Variants in DUSP14 observed in about 807,000 individuals in gnomAD.
DUSP14 encodes dual specificity protein phosphatase 14.
DUSP14 carries 5 observed loss-of-function variants against 13.2 expected under a neutral mutation model. The ratio of observed to expected loss-of-function variants is 0.38; its 90% CI spans 0.20 to 0.80. The LOEUF (loss-of-function observed/expected upper bound fraction) is 0.80, where lower values mean the gene tolerates loss of function less well. DUSP14 is among the 30% of genes least tolerant of loss of function. The probability of loss-of-function intolerance (pLI) is 0.44; values close to 1 mark genes in which losing one functional copy is unlikely to be tolerated. For missense variants in DUSP14, 185 were observed against 264.0 expected, an observed-to-expected ratio of 0.70 and a Z score of 2.07; for synonymous variants, 91 against 103.4, an observed-to-expected ratio of 0.88 and a Z score of 0.73.
chr17:37,510,282 C>T (rs1217284033), intron 1 of DUSP14: 1 of 152,358 alleles, frequency 6.6e-6, no homozygotes, highest in African/African-American at 2.4e-5. Context: ...GCGGTGCCGC[C>T]CAGGCCTTCC....
At chr17:37,498,673 TCA>T (rs1363968617) in intron 1 of DUSP14, among the ~76,000 whole-genome samples, 1 of 90,028 alleles carries the variant, frequency 1.1e-5, no homozygotes, top group Non-Finnish European at 2.1e-5. Flanking sequence ...ATGAAAGTAA[TCA>T]GTTTTTTTTT....
At chr17:37,501,805 C>T (rs775870956) in intron 1 of DUSP14, among the ~76,000 whole-genome samples, 14 of 152,154 alleles carry the variant, frequency 9.2e-5, no homozygotes, top group Non-Finnish European at 2.1e-4. Context: ...GCATGAGCCA[C>T]CGTGCCTGGC....
Position 37,512,706 on chromosome 17 carries a change from G to A in DUSP14, c.434G>A (p.Arg145Gln), listed in dbSNP as rs2054198643. Residue 145 changes from arginine (R) to glutamine (Q), a missense_variant, in exon 3 of 3, where the codon CGA becomes CAA. By Grantham distance (43) the Arg-to-Gln change is conservative. Coordinates refer to ENST00000617516, the MANE Select transcript of DUSP14 (RefSeq NM_007026.4). The surrounding 1 kb of genome is among the most constrained non-coding windows in gnomAD (Gnocchi z 4.8). ...GCGTACAACTGGGTGAAAGCCCGGC[G>A]ACCTGTCATCAGGCCCAACGTAGGC... ...LEAYNWVKARRPVIRPNVGFW... is the reference protein window; with the variant it reads ...LEAYNWVKARQPVIRPNVGFW... 1.2e-6 allele frequency: 2 copies of A among 1,614,066 alleles called. No individual in the cohort carries two copies. The highest frequency in any genetic ancestry group is 2.2e-5 in the East Asian group (1 of 44,870).
intron 2 of DUSP14, among the ~76,000 whole-genome samples, chr17:37,511,840 T>C (rs1025010435): frequency 6.6e-6 from 1 of 150,664 alleles, no homozygotes; most frequent in African/African-American, 2.4e-5. Flanking sequence ...CTTCTGGTCT[T>C]GAACTCCTGG....
At chr17:37,497,745 A>G (rs2054075267) in intron 1 of DUSP14, among the ~76,000 whole-genome samples, 1 of 149,848 alleles carries the variant, frequency 6.7e-6, no homozygotes, top group Non-Finnish European at 1.5e-5. Flanking sequence ...TCTTGCTCAA[A>G]AAAAAAAAAA....
At chr17:37,489,417 C>T (rs944391790), upstream of DUSP14, among the ~76,000 whole-genome samples, 12 of 152,172 alleles carry the variant, frequency 7.9e-5, no homozygotes, top group African/African-American at 2.4e-4. Flanking sequence ...TGGGTCCCAA[C>T]CCCCGGGCTC....
chr17:37,512,335 G>C lies in DUSP14; in HGVS notation c.63G>C (p.Glu21Asp). 6.2e-7 allele frequency: 1 copy of C among 1,614,018 alleles called. No homozygotes were observed. The highest frequency in any genetic ancestry group is 2.2e-5 in the East Asian group (1 of 44,858). ...TCATGGCCCCTCGGATGATTTCCGAGGGAGACATAGGAGGCATTGCTCAAA... is the reference window on the plus strand; with the variant it reads ...TCATGGCCCCTCGGATGATTTCCGACGGAGACATAGGAGGCATTGCTCAAA... The part of the protein sequence containing the change: ...RTLMAPRMIS[E>D]GDIGGIAQIT... The change falls in exon 3 of 3, where the codon GAG (glutamate) becomes GAC (aspartate). Residue 21 changes from glutamate to aspartate, a missense_variant. Transcript: ENST00000617516. This position sits in a 1 kb window ranked among gnomAD's most constrained non-coding sequence, Gnocchi z 4.8.
intron 1 of DUSP14, among the ~76,000 whole-genome samples, chr17:37,493,385 A>G (rs757924964): frequency 5.9e-5 from 9 of 152,184 alleles, no homozygotes; most frequent in Non-Finnish European, 1.2e-4. Context: ...GCATACCTTC[A>G]GCTTTACTAG....
At chr17:37,507,088 T>C (rs1319852801) in intron 1 of DUSP14, among the ~76,000 whole-genome samples, 1 of 152,226 alleles carries the variant, frequency 6.6e-6, no homozygotes, top group Non-Finnish European at 1.5e-5. Flanking sequence ...GTTTCACTTC[T>C]CAAGTTGAAA....
intron 2 of DUSP14, among the ~76,000 whole-genome samples, chr17:37,511,327 C>G (rs1446470558): frequency 6.6e-6 from 1 of 152,164 alleles, no homozygotes; most frequent in African/African-American, 2.4e-5. Flanking sequence ...GTCACCCAGG[C>G]TGGAGTATAG....
chr17:37,508,825 AC>A (rs2054154814), intron 1 of DUSP14, among the ~76,000 whole-genome samples: 1 of 148,344 alleles, frequency 6.7e-6, no homozygotes, highest in Non-Finnish European at 1.5e-5. Flanking sequence ...TGTTAAACAT[AC>A]GTGTCATAGG....
At chr17:37,495,820 C>T (rs967685592) in intron 1 of DUSP14, among the ~76,000 whole-genome samples, 4 of 152,138 alleles carry the variant, frequency 2.6e-5, no homozygotes, top group African/African-American at 4.8e-5. Context: ...CCACCACGCC[C>T]AGCTAATTTT....
chr17:37,511,251 A>G (rs2054182808), intron 2 of DUSP14, among the ~76,000 whole-genome samples: 1 of 152,084 alleles, frequency 6.6e-6, no homozygotes, highest in Non-Finnish European at 1.5e-5. Flanking sequence ...CTGTGTTTAC[A>G]TTGTCACGAA....
chr17:37,489,706 C>G (rs967713923), upstream of DUSP14: 18 of 151,620 alleles, frequency 1.2e-4, no homozygotes, highest in Admixed American at 6.6e-4. Context: ...AGGGCGCGCC[C>G]GGACCACACC....
chr17:37,504,150 C>T (rs1244879088), intron 1 of DUSP14, among the ~76,000 whole-genome samples: 1 of 152,116 alleles, frequency 6.6e-6, no homozygotes, highest in African/African-American at 2.4e-5. Flanking sequence ...GCCGAGATCT[C>T]ATCACTGCAC....
At position 37,513,201 on chromosome 17, in the gene DUSP14, G is replaced by T; in HGVS notation, c.*332G>T. 1 of 291,910 alleles carries T rather than the reference G, an allele frequency of 3.4e-6. No homozygotes were observed. Among genetic ancestry groups the T allele is most frequent in the Non-Finnish European group, 6.8e-6 (1 of 147,244 alleles). 18.1% of individuals were successfully genotyped at this position (291,910 alleles called of 1,614,324 possible). On this transcript the variant is annotated 3_prime_UTR_variant, in exon 3 of 3. Coordinates refer to ENST00000617516, the MANE Select transcript of DUSP14 (RefSeq NM_007026.4). ...TTTGGCACCTTGGTAGGTGCAGGAGGAGCTCAGTGCAAAAATCACTTTGGG... is the reference window on the plus strand; with the variant it reads ...TTTGGCACCTTGGTAGGTGCAGGAGTAGCTCAGTGCAAAAATCACTTTGGG...
intron 1 of DUSP14, among the ~76,000 whole-genome samples, chr17:37,506,672 GTTTTTTA>G (rs2054140082): frequency 6.6e-6 from 1 of 152,142 alleles, no homozygotes; most frequent in Non-Finnish European, 1.5e-5. Context: ...ATACCCATGG[GTTTTTTA>G]TTTTTTACCA....
At chr17:37,489,693 G>T (rs2054011677), upstream of DUSP14, 1 of 151,922 alleles carries the variant, frequency 6.6e-6, no homozygotes, top group Non-Finnish European at 1.5e-5. Flanking sequence ...TGCCTCGGGA[G>T]CTAGGGCGCG....
At chr17:37,489,851 G>A (rs2148068059), upstream of DUSP14, 1 of 147,738 alleles carries the variant, frequency 6.8e-6, no homozygotes, top group Non-Finnish European at 1.5e-5. Context: ...CCCGGGCGCG[G>A]GCGGAGGGAG....
Sources: allele counts gnomAD v4.1 joint callset (sites outside exome capture counted in the v4.1 genomes callset), GRCh38; gene constraint gnomAD v4.1.1; non-coding constraint Gnocchi (gnomAD v3.1); transcripts MANE v1.5; gene names NCBI Gene and HGNC (gene_info 2026-07-23, HGNC 2026-07-21).